Variants in EPSTI1 observed in about 807,000 individuals in gnomAD.
EPSTI1 encodes the protein epithelial stromal interaction 1.
Under a neutral mutation model 49.9 loss-of-function variants are expected in EPSTI1, and 66 were observed. The observed-to-expected ratio is 1.32, with a 90% CI of 1.08 to 1.62. The LOEUF is 1.62. Among genes scored for constraint, EPSTI1 ranks in the 40% most tolerant of loss-of-function variants. The pLI, the probability that EPSTI1 is intolerant of heterozygous loss-of-function variation, is 0.00. For missense variants in EPSTI1, 394 were observed against 365.5 expected (o/e 1.08, Z -0.64); for synonymous variants, 137 against 130.7 (o/e 1.05, Z -0.33).
At chr13:42,898,302 T>G (rs778057588) in intron 9 of EPSTI1, among the ~76,000 whole-genome samples, 18 of 152,232 alleles carry the variant, frequency 1.2e-4, no homozygotes, top group Admixed American at 2.0e-4. Context: ...CTATATAGCT[T>G]GTGTTGTTGC....
rs992448113 is a variant in EPSTI1 at position 42,965,365 on chromosome 13, T to G, written c.332-1226A>C. Among the ~76,000 whole-genome samples, 3 of 152,152 alleles carry G rather than the reference T, an allele frequency of 2.0e-5. No individual in the cohort carries two copies. In the East Asian group the frequency reaches 5.8e-4, roughly 29 times the overall value. Reference sequence around the variant, plus strand: ...CACATACCTGACTAACCCTAGATAATGCATATAACAGGAAGTCAAAATGAG... The same window carrying G: ...CACATACCTGACTAACCCTAGATAAGGCATATAACAGGAAGTCAAAATGAG... On this transcript the variant is annotated intron_variant, in intron 3 of 10. Transcript: ENST00000313624.
chr13:42,942,486 A>C (rs1566140049), intron 6 of EPSTI1, among the ~76,000 whole-genome samples: 1 of 151,988 alleles, frequency 6.6e-6, no homozygotes, highest in Non-Finnish European at 1.5e-5. Flanking sequence ...CATATAATTA[A>C]ACATATAATA....
At chr13:42,985,519 T>C (rs570775429) in intron 1 of EPSTI1, among the ~76,000 whole-genome samples, 1 of 152,304 alleles carries the variant, frequency 6.6e-6, no homozygotes, top group South Asian at 2.1e-4. Context: ...ACAAGTGACC[T>C]CATTTTGAGT....
chr13:42,984,448 T>C (rs2040042640), intron 1 of EPSTI1, among the ~76,000 whole-genome samples: 1 of 152,274 alleles, frequency 6.6e-6, no homozygotes, highest in Non-Finnish European at 1.5e-5. Context: ...GAATATTTTA[T>C]GTGGCTTATT....
intron 1 of EPSTI1, among the ~76,000 whole-genome samples, chr13:42,989,311 A>C (rs1400019656): frequency 6.6e-6 from 1 of 152,068 alleles, no homozygotes; most frequent in African/African-American, 2.4e-5. Flanking sequence ...GTATTGTCTT[A>C]TATTAAGTAA....
chr13:42,960,194 G>T (rs1194964290), intron 5 of EPSTI1, among the ~76,000 whole-genome samples: 1 of 151,792 alleles, frequency 6.6e-6, no homozygotes, highest in Non-Finnish European at 1.5e-5. Flanking sequence ...TAGATCGAAG[G>T]CAGAATAAGA....
intron 10 of EPSTI1, among the ~76,000 whole-genome samples, chr13:42,889,056 T>G (rs909867896): frequency 6.6e-6 from 1 of 152,176 alleles, no homozygotes; most frequent in Non-Finnish European, 1.5e-5. Flanking sequence ...TTCTAACACT[T>G]TGAGAAATTA....
At chr13:42,961,103 C>A (rs1022577947) in intron 5 of EPSTI1, among the ~76,000 whole-genome samples, 6 of 152,132 alleles carry the variant, frequency 3.9e-5, no homozygotes, top group African/African-American at 1.4e-4. Context: ...AATAGGCCAG[C>A]TATTTCCCCA....
Position 42,968,954 on chromosome 13 carries a change from A to ACACACACACAC in EPSTI1, c.331+139_331+140insGTGTGTGTGTG, listed in dbSNP as rs5803160. 7.1e-3 allele frequency: 3,807 copies of ACACACACACAC among 539,838 alleles called. 345 individuals are homozygous for ACACACACACAC. The highest frequency in any genetic ancestry group is 0.028 in the South Asian group (1,131 of 39,726). The allele number at this position is 539,838 out of a possible 1,614,324, so 33.4% of individuals were successfully genotyped here. A position where few individuals can be genotyped will look rare whatever the true frequency, so the allele number is the denominator to read the frequency against. On this transcript the variant is annotated intron_variant, in intron 3 of 10. Coordinates refer to ENST00000313624, the MANE Select transcript of EPSTI1 (RefSeq NM_033255.5). ...CACACACACACACACACACACACACAATTAAATGCATTCCACCCAAGCAGC... is the reference window on the plus strand; with the variant it reads ...CACACACACACACACACACACACACACACACACACACATTAAATGCATTCCACCCAAGCAGC...
At chr13:42,908,360 C>T (rs1484163467) in intron 8 of EPSTI1, among the ~76,000 whole-genome samples, 3 of 152,036 alleles carry the variant, frequency 2.0e-5, no homozygotes, top group Non-Finnish European at 2.9e-5. Flanking sequence ...GTGGCACACA[C>T]CTGTAATCCC....
intron 1 of EPSTI1, among the ~76,000 whole-genome samples, chr13:42,972,753 T>C (rs1594753356): frequency 6.6e-6 from 1 of 152,154 alleles, no homozygotes; most frequent in East Asian, 1.9e-4. Flanking sequence ...TACTAATCAC[T>C]TTAACAGAAC....
chr13:42,986,085 G>A (rs915073538), intron 1 of EPSTI1, among the ~76,000 whole-genome samples: 4 of 152,320 alleles, frequency 2.6e-5, no homozygotes, highest in African/African-American at 7.2e-5. Flanking sequence ...TGGCACCCTG[G>A]AATGCTCAGC....
chr13:42,911,948 C>T (rs2037698424), intron 8 of EPSTI1, among the ~76,000 whole-genome samples: 1 of 152,036 alleles, frequency 6.6e-6, no homozygotes, highest in African/African-American at 2.4e-5. Context: ...ACATGACTTC[C>T]CTATAAAAGT....
chr13:42,961,568 A>G (rs2039451067), intron 5 of EPSTI1, among the ~76,000 whole-genome samples: 1 of 152,212 alleles, frequency 6.6e-6, no homozygotes, highest in African/African-American at 2.4e-5. Flanking sequence ...ATGACTGGAT[A>G]CTAAAGAGCT....
intron 3 of EPSTI1, among the ~76,000 whole-genome samples, chr13:42,965,560 G>A (rs1292193050): frequency 8.5e-5 from 13 of 152,202 alleles, no homozygotes; most frequent in Non-Finnish European, 1.9e-4. Flanking sequence ...AGGTCAAAGG[G>A]AGGCAGAAAT....
At chr13:42,929,218 G>A (rs2038283147) in intron 6 of EPSTI1, among the ~76,000 whole-genome samples, 2 of 152,182 alleles carry the variant, frequency 1.3e-5, no homozygotes, top group South Asian at 2.1e-4. Context: ...ACTGTTGGAT[G>A]TAAATAGTCA....
At chr13:42,907,814 A>C (rs1193009175) in intron 8 of EPSTI1, among the ~76,000 whole-genome samples, 2 of 152,232 alleles carry the variant, frequency 1.3e-5, no homozygotes, top group Non-Finnish European at 2.9e-5. Context: ...TGAAATATTG[A>C]GTTTTAGCAT....
At chr13:42,925,364 T>G (rs1442414794) in intron 7 of EPSTI1, among the ~76,000 whole-genome samples, 1 of 152,158 alleles carries the variant, frequency 6.6e-6, no homozygotes, top group East Asian at 1.9e-4. Context: ...GCATGCAAAT[T>G]TCTGTGGTGG....
intron 1 of EPSTI1, among the ~76,000 whole-genome samples, chr13:42,983,223 T>C (rs888445467): frequency 1.4e-4 from 22 of 152,334 alleles, no homozygotes; most frequent in African/African-American, 5.3e-4. Flanking sequence ...GCTTCGATAT[T>C]ACCACTCTCT....
Sources: gnomAD v4.1 joint callset for allele counts (sites outside exome capture counted in the v4.1 genomes callset) on GRCh38, gnomAD v4.1.1 for gene constraint, MANE v1.5 for transcripts, NCBI Gene and HGNC (gene_info 2026-07-23, HGNC 2026-07-21) for gene names.